The following ZNF300 variants were observed in gnomAD, a reference collection of about 807,000 sequenced individuals.
ZNF300 encodes kruppel-like zinc finger protein.
Under a neutral mutation model 13.9 loss-of-function variants are expected in ZNF300, and 6 were observed. The observed-to-expected ratio is 0.43, with a 90% CI of 0.24 to 0.85. ZNF300 has a LOEUF of 0.85. Among genes scored for constraint, ZNF300 ranks in the 40% least tolerant of loss-of-function variants. The pLI, the probability that ZNF300 is intolerant of heterozygous loss-of-function variation, is 0.25. For missense variants in ZNF300, 662 were observed against 714.2 expected, an observed-to-expected ratio of 0.93 and a Z score of 0.83; for synonymous variants, 237 against 242.2, an observed-to-expected ratio of 0.98 and a Z score of 0.20.
Position 150,896,214 on chromosome 5 carries a change from A to G in ZNF300, c.1025T>C (p.Ile342Thr), listed in dbSNP as rs1243875358. The G allele has an allele frequency of 1.9e-6, 3 of 1,613,496 alleles. No homozygotes were observed. The highest frequency in any genetic ancestry group is 2.5e-6 in the Non-Finnish European group (3 of 1,179,776). Reference protein sequence around the residue: ...KAFSQKSSLIIHQRVHTGEKP... With the variant: ...KAFSQKSSLITHQRVHTGEKP... Reference sequence around the variant, plus strand: ...TTCCCCAGTGTGAACTCTCTGATGTATAATAAGGGACGATTTCTGAGAGAA... The same window carrying G: ...TTCCCCAGTGTGAACTCTCTGATGTGTAATAAGGGACGATTTCTGAGAGAA... The change falls in exon 6 of 6, where the codon ATA (isoleucine) becomes ACA (threonine). Residue 342 changes from isoleucine (I) to threonine (T), a missense_variant. By Grantham distance (89) the Ile-to-Thr change is moderately conservative (BLOSUM62 -1). Coordinates refer to ENST00000274599, the MANE Select transcript of ZNF300 (RefSeq NM_052860.4).
chr5:150,901,483 T>C (rs151242368), intron 3 of ZNF300, among the ~76,000 whole-genome samples: 11 of 152,160 alleles, frequency 7.2e-5, no homozygotes, highest in African/African-American at 2.6e-4. Context: ...GGCTACTATA[T>C]TAGACAGCAC....
chr5:150,901,105 G>T (rs1754981142), intron 3 of ZNF300, among the ~76,000 whole-genome samples: 1 of 151,940 alleles, frequency 6.6e-6, no homozygotes, highest in Non-Finnish European at 1.5e-5. Flanking sequence ...CTTCACTTCT[G>T]GATGGTAGGG....
At chr5:150,904,103 CTT>C (rs1755071274) in intron 1 of ZNF300, 126 bp from the exon 2 acceptor site, 2 of 152,086 alleles carry the variant, frequency 1.3e-5, no homozygotes, top group South Asian at 4.2e-4. Flanking sequence ...TGAAATCAAA[CTT>C]TTAATTATGA....
In ZNF300 at chr5:150,903,240, CT is replaced by C. The variant is rs1755045314; in HGVS notation, c.-27-59del. The C allele has an allele frequency of 1.9e-6, 3 of 1,611,970 alleles. No individual in the cohort carries two copies. In the East Asian group the frequency reaches 6.7e-5, roughly 36 times the overall value. Reference sequence around the variant, plus strand: ...TTCATAGTCCAAACCCAGACTGCAGCTTTCACATTCACCAATCTTGCAACAA... The same window carrying C: ...TTCATAGTCCAAACCCAGACTGCAGCTTCACATTCACCAATCTTGCAACAA... On this transcript the variant is annotated intron_variant, in intron 2 of 5. Transcript: ENST00000274599.
At position 150,895,693 on chromosome 5, in the gene ZNF300, T is replaced by C. The variant is rs1393861093; in HGVS notation, c.1546A>G (p.Thr516Ala). 1 of 1,613,614 alleles carries C rather than the reference T, an allele frequency of 6.2e-7. No individual in the cohort carries two copies. Among genetic ancestry groups the C allele is most frequent in the South Asian group, 1.1e-5 (1 of 91,066 alleles). Residue 516 changes from threonine to alanine, a missense_variant, in exon 6 of 6, where the codon ACA becomes GCA. Thr to Ala is a moderately conservative substitution (Grantham distance 58). Coordinates refer to ENST00000274599, the MANE Select transcript of ZNF300 (RefSeq NM_052860.4). ...SHLIGHQRIH[T>A]GEKPYICTEC... The stretch of plus-strand genomic sequence containing the variant: ...GTACATATATAAGGTTTTTCTCCTG[T>C]GTGAATTCTCTGATGTCCAATGAGA...
intron 3 of ZNF300, 122 bp downstream of exon 3, chr5:150,903,019 C>G (rs924724559): frequency 5.0e-6 from 5 of 1,007,470 alleles, no homozygotes; most frequent in Non-Finnish European, 4.5e-6. Flanking sequence ...GAAACTCTTT[C>G]GAGGTCTTGA....
At chr5:150,903,458 T>A in intron 2 of ZNF300, 1 of 1,143,946 alleles carries the variant, frequency 8.7e-7, no homozygotes, top group Non-Finnish European at 1.3e-6. Flanking sequence ...CCAGTTGATT[T>A]ACTAACAACT....
At chr5:150,899,786 G>C (rs568440891) in intron 3 of ZNF300, among the ~76,000 whole-genome samples, 1 of 152,156 alleles carries the variant, frequency 6.6e-6, no homozygotes, top group South Asian at 2.1e-4. Context: ...TTAACTAATA[G>C]CAGAAACTAA....
Position 150,903,149 on chromosome 5 carries a change from T to G in ZNF300, c.7A>C (p.Lys3Gln). Residue 3 changes from lysine to glutamine, a missense_variant, in exon 3 of 6, where the codon AAG (lysine) becomes CAG (glutamine). Transcript: ENST00000274599. MM[K>Q]SQGLVSFKDV... ...TTTAAAAAGCAACTCACCTGGGACT[T>G]CATCATTTTTTGCTCTTCCAAAAGG... 1 of 1,574,802 alleles carries G rather than the reference T, an allele frequency of 6.3e-7. No individual in the cohort carries two copies. Among genetic ancestry groups the G allele is most frequent in the Non-Finnish European group, 8.5e-7 (1 of 1,169,916 alleles).
chr5:150,899,952 AGTCTCATCTCAGTCATCTCAAATCTC>A (rs1432656310), intron 3 of ZNF300, among the ~76,000 whole-genome samples: 1 of 151,938 alleles, frequency 6.6e-6, no homozygotes, highest in Non-Finnish European at 1.5e-5. Context: ...TTGCTAACAC[AGTCTCATCTCAGTCATCTCAAATCTC>A]AAGCTTTCTC....
At chr5:150,898,818 C>T (rs1409198662) in intron 3 of ZNF300, among the ~76,000 whole-genome samples, 1 of 151,844 alleles carries the variant, frequency 6.6e-6, no homozygotes, top group African/African-American at 2.4e-5. Flanking sequence ...TTGGATGAAT[C>T]GTTTTGAAAC....
chr5:150,894,874 A>C lies in ZNF300; in HGVS notation c.*550T>G, dbSNP rs1234832710. On this transcript the variant is annotated 3_prime_UTR_variant, in exon 6 of 6. Transcript: ENST00000274599. ...AATCTCAAGGTCCTTCCAGAGATGC[A>C]GGTCAACTTATATGCTTGAGATGGG... The C allele has an allele frequency of 6.6e-6, 1 of 152,332 alleles. No individual in the cohort carries two copies. The highest frequency in any genetic ancestry group is 2.4e-5 in the African/African-American group (1 of 41,460). The allele number at this position is 152,332 out of a possible 1,614,324, so 9.4% of individuals were successfully genotyped here.
Position 150,896,719 on chromosome 5 carries a change from A to G in ZNF300, c.520T>C (p.Cys174Arg), listed in dbSNP as rs750357115. Reference protein sequence around the residue: ...YNPLGKIFQECIETDISIQRF... With the variant: ...YNPLGKIFQERIETDISIQRF... Reference sequence around the variant, plus strand: ...TGTATTGATATATCTGTTTCTATGCACTCTTGAAATATTTTCCCCAGTGGA... The same window carrying G: ...TGTATTGATATATCTGTTTCTATGCGCTCTTGAAATATTTTCCCCAGTGGA... Residue 174 changes from cysteine to arginine, a missense_variant, in exon 6 of 6, where the codon TGC becomes CGC. By Grantham distance (180) the Cys-to-Arg change is radical. Transcript: ENST00000274599. 2 of 1,613,494 alleles carry G rather than the reference A, an allele frequency of 1.2e-6. No homozygotes were observed. The highest frequency in any genetic ancestry group is 8.5e-7 in the Non-Finnish European group (1 of 1,179,728).
chr5:150,896,329 T>C lies in ZNF300; in HGVS notation c.910A>G (p.Lys304Glu), dbSNP rs376309794. The C allele has an allele frequency of 5.0e-6, 8 of 1,613,580 alleles. No homozygotes were observed. Among genetic ancestry groups the C allele is most frequent in the Non-Finnish European group, 6.8e-6 (8 of 1,179,826 alleles). The change falls in exon 6 of 6, where the codon AAA becomes GAA. Residue 304 changes from lysine (K) to glutamate (E), a missense_variant. Physicochemically the swap from Lys to Glu is moderately conservative, Grantham distance 56. Coordinates refer to ENST00000274599, the MANE Select transcript of ZNF300 (RefSeq NM_052860.4). ...AGATGAAACTTCTCACTGAAGGCTT[T>C]TCCGCATGCACCACAATCATATGGT... is the stretch of plus-strand genomic sequence containing the variant. ...KKPYDCGACG[K>E]AFSEKFHLVV...
At chr5:150,903,318 T>G in intron 2 of ZNF300, 136 bp from the exon 3 acceptor site, 1 of 1,569,210 alleles carries the variant, frequency 6.4e-7, no homozygotes, top group Non-Finnish European at 8.6e-7. Context: ...ATAAGGTTGT[T>G]TGAGCCTTAC....
In ZNF300 at chr5:150,898,199, T is replaced by A. The variant is rs1754866018; in HGVS notation, c.143-15A>T. The A allele has an allele frequency of 3.7e-6, 6 of 1,612,084 alleles. No homozygotes were observed. The highest frequency in any genetic ancestry group is 5.1e-6 in the Non-Finnish European group (6 of 1,179,288). On this transcript the variant is annotated splice_polypyrimidine_tract_variant and intron_variant, in intron 4 of 5. Transcript: ENST00000274599. The stretch of plus-strand genomic sequence containing the variant: ...AACTGGATACCCTATTAAACAGAAA[T>A]CACAGAGAATTGAGATTGACTGCAC...
intron 3 of ZNF300, among the ~76,000 whole-genome samples, chr5:150,901,568 A>C (rs1284346738): frequency 6.6e-6 from 1 of 152,044 alleles, no homozygotes; most frequent in Non-Finnish European, 1.5e-5. Context: ...AGAACTCTAA[A>C]CTCTACTGTA....
At position 150,904,844 on chromosome 5, in the gene ZNF300, C is replaced by T. The variant is rs1004254798; in HGVS notation, c.-282G>A. On this transcript the variant is annotated 5_prime_UTR_variant, in exon 1 of 6. Coordinates refer to ENST00000274599, the MANE Select transcript of ZNF300 (RefSeq NM_052860.4). Reference sequence around the variant, plus strand: ...CTGTCCGCGAGCACCACACCGGGCTCCCGAGGCTGCGCCGTTCCGTACTGG... The same window carrying T: ...CTGTCCGCGAGCACCACACCGGGCTTCCGAGGCTGCGCCGTTCCGTACTGG... 4 of 152,872 alleles carry T rather than the reference C, an allele frequency of 2.6e-5. No individual in the cohort carries two copies. The highest frequency in any genetic ancestry group is 9.6e-5 in the African/African-American group (4 of 41,574). 9.5% of individuals were successfully genotyped at this position (152,872 alleles called of 1,614,324 possible).
In ZNF300 at chr5:150,898,502, T is replaced by A. The variant is rs1259970206; in HGVS notation, c.68A>T (p.Gln23Leu). The change falls in exon 4 of 6, where the codon CAG (glutamine) becomes CTG (leucine). Residue 23 changes from glutamine (Q) to leucine (L), a missense_variant. Coordinates refer to ENST00000274599, the MANE Select transcript of ZNF300 (RefSeq NM_052860.4). ...VAVDFTQEEW[Q>L]QLDPSQRTLY... ...GGTCCTCTGAGAAGGGTCAAGTTGC[T>A]GCCACTCCTCCTGGGTGAAATCCAC... The A allele has an allele frequency of 6.2e-7, 1 of 1,613,258 alleles. No individual in the cohort carries two copies. The highest frequency in any genetic ancestry group is 8.5e-7 in the Non-Finnish European group (1 of 1,179,498).
Sources: gnomAD v4.1 joint callset for allele counts (sites outside exome capture counted in the v4.1 genomes callset) on GRCh38, gnomAD v4.1.1 for gene constraint, MANE v1.5 for transcripts, NCBI Gene and HGNC (gene_info 2026-07-23, HGNC 2026-07-21) for gene names.